FAM3B: variants seen among roughly 807,000 people sequenced by gnomAD.
FAM3B encodes protein FAM3B.
FAM3B carries 29 observed loss-of-function variants against 28.4 expected under a neutral mutation model. The observed-to-expected ratio is 1.02, with a 90% CI of 0.76 to 1.39. The LOEUF is 1.39. FAM3B is among the 40% of genes most tolerant of loss of function. FAM3B has a pLI of 0.00. For missense variants in FAM3B, 266 were observed against 293.9 expected (o/e 0.91, Z 0.69); for synonymous variants, 91 against 103.0 (o/e 0.88, Z 0.71).
intron 2 of FAM3B, among the ~76,000 whole-genome samples, chr21:41,334,172 T>A (rs1360185487): frequency 6.6e-6 from 1 of 152,238 alleles, no homozygotes; most frequent in South Asian, 2.1e-4. Flanking sequence ...CATAAAAGTT[T>A]GGAAAATGTG....
rs1337993718 is a variant in FAM3B at position 41,311,252 on chromosome 21, ATATATATATATAT to A, written n.99+6943_99+6955del. On this transcript the variant is annotated intron_variant and non_coding_transcript_variant, in intron 1 of 9. Transcript: ENST00000479810. ...CTGTCTCTACAAAAAAAAAAAAAAA[ATATATATATATAT>A]ATATATATATATATATATATATATA... Among the ~76,000 whole-genome samples the A allele has an allele frequency of 4.8e-3, 103 of 21,524 alleles. 2 individuals are homozygous for A. The highest frequency in any genetic ancestry group is 0.011 in the African/African-American group (61 of 5,534). The allele number at this position is 21,524 out of a possible 152,430, so 14.1% of individuals were successfully genotyped here.
chr21:41,333,446 GT>G (rs1169836571), intron 2 of FAM3B, among the ~76,000 whole-genome samples: 74 of 152,240 alleles, frequency 4.9e-4, no homozygotes, highest in Non-Finnish European at 8.8e-5. Context: ...GTTCAAAAAT[GT>G]GTGGTACCTC....
chr21:41,335,881 G>A (rs977528072), intron 2 of FAM3B, among the ~76,000 whole-genome samples: 1 of 152,160 alleles, frequency 6.6e-6, no homozygotes, highest in Non-Finnish European at 1.5e-5. Context: ...TGTTGCTGCT[G>A]GATGGAATGC....
At chr21:41,322,606 G>A (rs1403343965) in intron 1 of FAM3B, 2 of 717,442 alleles carry the variant, frequency 2.8e-6, no homozygotes, top group South Asian at 3.0e-5. Context: ...TGGGCATGCT[G>A]GCTCACAAGG....
chr21:41,311,148 G>A (rs2088707478), intron 1 of FAM3B, among the ~76,000 whole-genome samples: 1 of 147,880 alleles, frequency 6.8e-6, no homozygotes, highest in East Asian at 2.0e-4. Flanking sequence ...GGAGCCCCAG[G>A]AGCTTTTGTT....
chr21:41,336,256 T>A (rs971898267), intron 2 of FAM3B, among the ~76,000 whole-genome samples: 1 of 152,150 alleles, frequency 6.6e-6, no homozygotes, highest in Admixed American at 6.6e-5. Flanking sequence ...GCATGGGGGC[T>A]CACATCTGTA....
intron 1 of FAM3B, among the ~76,000 whole-genome samples, chr21:41,321,844 G>A (rs2088809442): frequency 6.6e-6 from 1 of 152,170 alleles, no homozygotes; most frequent in South Asian, 2.1e-4. Flanking sequence ...GTCCAGAACT[G>A]CACCCCGGGT....
chr21:41,342,165 A>T (rs1237932901), intron 3 of FAM3B, among the ~76,000 whole-genome samples: 1 of 152,204 alleles, frequency 6.6e-6, no homozygotes, highest in Non-Finnish European at 1.5e-5. Context: ...TCAAGGTACT[A>T]TTCCACTGTC....
At chr21:41,322,196 C>A (rs73226113) in intron 1 of FAM3B, among the ~76,000 whole-genome samples, 1 of 151,964 alleles carries the variant, frequency 6.6e-6, no homozygotes, top group African/African-American at 2.4e-5. Context: ...AGCCACCCCC[C>A]AGGCCTCTGG....
chr21:41,350,720 G>A (rs1200489528), intron 7 of FAM3B, among the ~76,000 whole-genome samples: 3 of 152,344 alleles, frequency 2.0e-5, no homozygotes, highest in South Asian at 2.1e-4. Flanking sequence ...GCCTCCTTGC[G>A]TGGATCTCCA....
chr21:41,327,742 A>T (rs1238702246), intron 2 of FAM3B, among the ~76,000 whole-genome samples: 1 of 152,218 alleles, frequency 6.6e-6, no homozygotes, highest in Non-Finnish European at 1.5e-5. Context: ...TGGCTTTACC[A>T]CAAAGTAAAA....
chr21:41,338,316 G>T, intron 2 of FAM3B, 62 bp from the exon 3 acceptor site: 1 of 1,592,080 alleles, frequency 6.3e-7, no homozygotes, highest in East Asian at 2.3e-5. Context: ...CCGCCAAGCA[G>T]CAGGTGCATC....
intron 3 of FAM3B, 40 bp downstream of exon 3, chr21:41,338,541 C>G (rs1471189493): frequency 1.2e-6 from 2 of 1,610,590 alleles, no homozygotes; most frequent in South Asian, 1.1e-5. Context: ...AGCGATCCTA[C>G]TGATTCTTGC....
rs150443846 is a variant in FAM3B, at chr21:41,355,568, C to G, written c.619-1540C>G. 9.4e-3 allele frequency among the ~76,000 whole-genome samples: 1,430 copies of G among 151,890 alleles called. 21 individuals carry two copies. The highest frequency in any genetic ancestry group is 0.033 in the African/African-American group (1,349 of 41,466). ...AAACAGGCTAAGTGAAACAAACAAA[C>G]AAACAAACAAACACAAAAGGTCACA... On this transcript the variant is annotated intron_variant, in intron 7 of 7. Coordinates refer to ENST00000357985, the MANE Select transcript of FAM3B (RefSeq NM_058186.4).
In FAM3B at chr21:41,321,153, A is replaced by G. The variant is rs757422467; in HGVS notation, c.20-1770A>G. Among the ~76,000 whole-genome samples, 115 of 152,190 alleles carry G rather than the reference A, an allele frequency of 7.6e-4. 1 individual carries two copies. The highest frequency in any genetic ancestry group is 3.1e-4 in the Non-Finnish European group (21 of 68,034). On this transcript the variant is annotated intron_variant, in intron 1 of 7. Coordinates refer to ENST00000357985, the MANE Select transcript of FAM3B (RefSeq NM_058186.4). Reference sequence around the variant, plus strand: ...CAGCTACGACCCACATGCACAGAATACAGGGCACGGCCTTTTCCTTTGAAC... The same window carrying G: ...CAGCTACGACCCACATGCACAGAATGCAGGGCACGGCCTTTTCCTTTGAAC...
At position 41,351,001 on chromosome 21, in the gene FAM3B, G is replaced by A. The variant is rs771573146; in HGVS notation, c.618+2277G>A. 9.9e-5 allele frequency among the ~76,000 whole-genome samples: 15 copies of A among 151,992 alleles called. 1 individual carries two copies. Among genetic ancestry groups the A allele is most frequent in the East Asian group, 1.9e-4 (1 of 5,188 alleles). On this transcript the variant is annotated intron_variant, in intron 7 of 7. Transcript: ENST00000357985. The stretch of plus-strand genomic sequence containing the variant: ...CAGGGACCCCCCCATGCACACGAGC[G>A]TCTGTGGTTATTATTACTACCAATG...
rs2089066064 is a variant in FAM3B at position 41,346,939 on chromosome 21, G to A, written c.398-74G>A. The A allele has an allele frequency of 2.3e-5, 31 of 1,327,556 alleles. No homozygotes were observed. In the South Asian group the frequency reaches 3.6e-4, roughly 16 times the overall value. 82.2% of individuals were successfully genotyped at this position (1,327,556 alleles called of 1,614,324 possible). ...GAATGGACACAGAATGCAGGTGCAG[G>A]AGGAAGCCCAGCACCCAAGGCAGAG... is the stretch of plus-strand genomic sequence containing the variant. On this transcript the variant is annotated intron_variant, in intron 5 of 7. Transcript: ENST00000357985.
intron 7 of FAM3B, among the ~76,000 whole-genome samples, chr21:41,355,418 C>T (rs554609837): frequency 1.1e-4 from 16 of 152,244 alleles, no homozygotes; most frequent in South Asian, 4.1e-4. Context: ...ATGGAATCAA[C>T]CCAAATGTTT....
chr21:41,311,960 A>C (rs1422267305), upstream of FAM3B, among the ~76,000 whole-genome samples: 1 of 152,216 alleles, frequency 6.6e-6, no homozygotes, highest in African/African-American at 2.4e-5. Flanking sequence ...AGATGGCAGC[A>C]GGCAAAGAAA....
Sources: allele counts gnomAD v4.1 joint callset (sites outside exome capture counted in the v4.1 genomes callset), GRCh38; gene constraint gnomAD v4.1.1; transcripts MANE v1.5; gene names NCBI Gene and HGNC (gene_info 2026-07-23, HGNC 2026-07-21).